The following PRELID2 variants were observed in gnomAD, a reference collection of about 807,000 sequenced individuals.
PRELID2 encodes the protein PRELI domain containing 2.
PRELID2 carries 25 observed loss-of-function variants against 28.4 expected under a neutral mutation model. That is an observed-to-expected ratio of 0.88 (90% CI 0.64 to 1.23). The LOEUF (loss-of-function observed/expected upper bound fraction) is 1.23. Ranked by LOEUF, PRELID2 falls within the 50% of genes most tolerant of loss-of-function variation. The pLI is 0.00. For missense variants in PRELID2, 201 were observed against 214.4 expected (o/e 0.94, Z 0.39); for synonymous variants, 76 against 71.6 (o/e 1.06, Z -0.31).
intron 1 of PRELID2, among the ~76,000 whole-genome samples, chr5:145,628,714 G>A (rs1375154805): frequency 1.3e-5 from 2 of 152,102 alleles, no homozygotes; most frequent in Non-Finnish European, 2.9e-5. Flanking sequence ...CTTCTTTCAG[G>A]AAGAACTATG....
chr5:145,763,389 T>C (rs553276255), intron 6 of PRELID2, among the ~76,000 whole-genome samples: 4 of 152,230 alleles, frequency 2.6e-5, no homozygotes, highest in Non-Finnish European at 5.9e-5. Flanking sequence ...GCACCTGCTA[T>C]GTGTATGCCT....
the PRELID2 span, among the ~76,000 whole-genome samples, chr5:145,342,153 G>A: frequency 6.6e-6 from 1 of 152,146 alleles, no homozygotes; most frequent in Non-Finnish European, 1.5e-5. Context: ...ACTACATTCA[G>A]CAAAATTATC....
the PRELID2 span, among the ~76,000 whole-genome samples, chr5:145,300,942 T>C: frequency 2.6e-5 from 4 of 152,048 alleles, no homozygotes; most frequent in African/African-American, 9.7e-5. Context: ...GAAGTGTAGC[T>C]TCTCACGTCC....
At chr5:145,336,501 G>C in the PRELID2 span, among the ~76,000 whole-genome samples, 18 of 151,902 alleles carry the variant, frequency 1.2e-4, no homozygotes, top group Admixed American at 9.8e-4. Context: ...TGGCTAGCCA[G>C]TTTTCCCAGC....
chr5:145,819,822 T>G (rs1754635631), intron 3 of PRELID2, 123 bp downstream of exon 3: 1 of 724,662 alleles, frequency 1.4e-6, no homozygotes, highest in Admixed American at 2.6e-5. Flanking sequence ...CCTCAGAAGG[T>G]TCTGAGGTAA....
At chr5:145,358,423 C>T in the PRELID2 span, among the ~76,000 whole-genome samples, 1 of 151,984 alleles carries the variant, frequency 6.6e-6, no homozygotes, top group Non-Finnish European at 1.5e-5. Flanking sequence ...GCTGGGGTCA[C>T]CCGCCCTTCC....
At chr5:145,747,983 A>G (rs1757035464) in intron 1 of PRELID2, among the ~76,000 whole-genome samples, 1 of 152,184 alleles carries the variant, frequency 6.6e-6, no homozygotes, top group South Asian at 2.1e-4. Context: ...AACTCTCAAT[A>G]AACTAGGTAT....
At chr5:145,413,207 G>T in the PRELID2 span, among the ~76,000 whole-genome samples, 7 of 151,964 alleles carry the variant, frequency 4.6e-5, no homozygotes, top group Non-Finnish European at 7.4e-5. Flanking sequence ...CTCAAAACAA[G>T]ATGTACAAAT....
chr5:145,365,923 A>C, the PRELID2 span, among the ~76,000 whole-genome samples: 1 of 151,924 alleles, frequency 6.6e-6, no homozygotes, highest in South Asian at 2.1e-4. Context: ...GAAAGTGAGT[A>C]AGTGGTTCTC....
At chr5:145,257,399 G>A in the PRELID2 span, among the ~76,000 whole-genome samples, 5 of 151,790 alleles carry the variant, frequency 3.3e-5, no homozygotes, top group Admixed American at 1.3e-4. Flanking sequence ...AAAATCAAAA[G>A]AGAAGATAAA....
At chr5:145,688,289 T>C (rs1321200937) in intron 1 of PRELID2, among the ~76,000 whole-genome samples, 1 of 152,204 alleles carries the variant, frequency 6.6e-6, no homozygotes, top group African/African-American at 2.4e-5. Flanking sequence ...CAACATTAAC[T>C]TGTCCTTTGG....
intron 1 of PRELID2, among the ~76,000 whole-genome samples, chr5:145,713,671 GTA>G (rs1441387879): frequency 1.1e-5 from 1 of 92,372 alleles, no homozygotes; most frequent in Admixed American, 1.1e-4. Context: ...TATAGTGTGT[GTA>G]TATATATATA....
Position 145,565,859 on chromosome 5 carries a change from G to A in PRELID2, n.71-92544C>T, listed in dbSNP as rs185896622. Among the ~76,000 whole-genome samples the A allele has an allele frequency of 2.0e-5, 3 of 152,250 alleles. No homozygotes were observed. In the East Asian group the frequency reaches 5.8e-4, roughly 29 times the overall value. Reference sequence around the variant, plus strand: ...GCAAACATTTCTTTAAGTTTCATTGGCTCATGTGAGGCCATATGTTCATTT... The same window carrying A: ...GCAAACATTTCTTTAAGTTTCATTGACTCATGTGAGGCCATATGTTCATTT... On this transcript the variant is annotated intron_variant and non_coding_transcript_variant, in intron 1 of 2. Transcript: ENST00000510259.
chr5:145,650,926 G>A (rs10477283), intron 1 of PRELID2, among the ~76,000 whole-genome samples: 9,175 of 151,908 alleles, frequency 0.06, 925 homozygotes, highest in African/African-American at 0.21. Context: ...CAGTGGGTGC[G>A]GCCCACCGAG....
chr5:145,587,299 C>T (rs981516606), intron 1 of PRELID2, among the ~76,000 whole-genome samples: 1 of 152,240 alleles, frequency 6.6e-6, no homozygotes, highest in African/African-American at 2.4e-5. Flanking sequence ...AAACAGTCCT[C>T]GAGCTTGGAG....
intron 1 of PRELID2, among the ~76,000 whole-genome samples, chr5:145,576,032 G>A (rs2149621289): frequency 6.6e-6 from 1 of 152,256 alleles, no homozygotes; most frequent in Non-Finnish European, 1.5e-5. Context: ...CTTCAGGGAA[G>A]CCTACTTCTC....
the PRELID2 span, among the ~76,000 whole-genome samples, chr5:145,367,706 G>A: frequency 5.9e-5 from 9 of 151,850 alleles, no homozygotes; most frequent in Admixed American, 2.0e-4. Flanking sequence ...GAATAATACA[G>A]TGTGTAGCCT....
chr5:145,337,391 G>A, the PRELID2 span, among the ~76,000 whole-genome samples: 1 of 151,818 alleles, frequency 6.6e-6, no homozygotes, highest in South Asian at 2.1e-4. Flanking sequence ...TTGGTGTCCT[G>A]TAATAATTCA....
At chr5:145,279,190 C>G in the PRELID2 span, among the ~76,000 whole-genome samples, 1 of 152,164 alleles carries the variant, frequency 6.6e-6, no homozygotes, top group Non-Finnish European at 1.5e-5. Flanking sequence ...ATTGGCATTG[C>G]TTTCAATGGC....
Sources: gnomAD v4.1 joint callset for allele counts (sites outside exome capture counted in the v4.1 genomes callset) on GRCh38, gnomAD v4.1.1 for gene constraint, MANE v1.5 for transcripts, NCBI Gene and HGNC (gene_info 2026-07-23, HGNC 2026-07-21) for gene names.